The following HEPHL1 variants were observed in gnomAD, a reference collection of about 807,000 sequenced individuals.
HEPHL1 encodes the protein ferroxidase HEPHL1.
In HEPHL1, 123 loss-of-function variants were observed where a neutral mutation model predicts 122.0. That is an observed-to-expected ratio of 1.01 (90% CI 0.87 to 1.17). The LOEUF (loss-of-function observed/expected upper bound fraction) is 1.17, where lower values mean the gene tolerates loss of function less well. Ranked by LOEUF, HEPHL1 falls within the 50% of genes most tolerant of loss-of-function variation. The probability of loss-of-function intolerance (pLI) is 0.00; values close to 1 mark genes in which losing one functional copy is unlikely to be tolerated. For missense variants in HEPHL1, 1,452 were observed against 1,430.5 expected (o/e 1.01, Z -0.24); for synonymous variants, 527 against 508.9 (o/e 1.04, Z -0.48).
intron 4 of HEPHL1, 113 bp downstream of exon 4, chr11:94,064,623 CAG>C: frequency 1.4e-6 from 1 of 699,068 alleles, no homozygotes; most frequent in Non-Finnish European, 2.4e-6. Flanking sequence ...ATTTATAACT[CAG>C]GGATGACCAT....
At chr11:94,104,445 C>T (rs1946392830) in intron 15 of HEPHL1, 83 bp from the exon 16 acceptor site, 1 of 944,956 alleles carries the variant, frequency 1.1e-6, no homozygotes, top group Non-Finnish European at 1.6e-6. Flanking sequence ...TATTATGACC[C>T]TACACTAGAA....
intron 4 of HEPHL1, among the ~76,000 whole-genome samples, chr11:94,065,414 C>A (rs1946025282): frequency 6.6e-6 from 1 of 152,132 alleles, no homozygotes; most frequent in Admixed American, 6.5e-5. Flanking sequence ...TAATTAATGC[C>A]AGAGAGTTTC....
chr11:94,049,179 A>G (rs550446813), intron 2 of HEPHL1, among the ~76,000 whole-genome samples: 1 of 152,066 alleles, frequency 6.6e-6, no homozygotes, highest in Non-Finnish European at 1.5e-5. Flanking sequence ...ATACTGGTAT[A>G]GTAGACATAC....
chr11:94,042,893 A>AAAAAAAAAAAAAAAT (rs1945799383), intron 1 of HEPHL1, among the ~76,000 whole-genome samples: 1 of 149,562 alleles, frequency 6.7e-6, no homozygotes, highest in Non-Finnish European at 1.5e-5. Flanking sequence ...AAAAAAAAAA[A>AAAAAAAAAAAAAAAT]CTGCATGAAT....
At position 94,111,025 on chromosome 11, in the gene HEPHL1, T is replaced by C. The variant is rs762258513; in HGVS notation, c.3168T>C (p.His1056=). 7 of 1,607,406 alleles carry C rather than the reference T, an allele frequency of 4.4e-6. No homozygotes were observed. In the Admixed American group the frequency reaches 6.8e-5, roughly 16 times the overall value. Residue 1056 remains histidine, a synonymous_variant, in exon 18 of 20, where the codon CAT becomes CAC. Coordinates refer to ENST00000315765, the MANE Select transcript of HEPHL1 (RefSeq NM_001098672.2). ...LLHCHVSDHI[H]AGMETTYTVL... ...ACTGTCATGTGTCTGACCACATCCA[T>C]GCTGGCATGGAGACAACCTACACGG... is the stretch of plus-strand genomic sequence containing the variant.
intron 1 of HEPHL1, among the ~76,000 whole-genome samples, chr11:94,025,660 CAAGGGGCTTTGAGTATTCTAAG>C (rs1440363916): frequency 6.6e-6 from 1 of 152,106 alleles, no homozygotes; most frequent in Non-Finnish European, 1.5e-5. Context: ...CAGTGTATGG[CAAGGGGCTTTGAGTATTCTAAG>C]AAGCAGGCCC....
Position 94,097,600 on chromosome 11 carries a change from T to TAA in HEPHL1, c.2435-3594_2435-3593dup, listed in dbSNP as rs1362985200. Among the ~76,000 whole-genome samples the TAA allele has an allele frequency of 2.0e-5, 3 of 152,164 alleles. No homozygotes were observed. The East Asian group carries it at 5.8e-4, about 29-fold the overall frequency. ...TAACTTTCTGTCTCATTGATCTGTC[T>TAA]AATGTTGACAGTGGGGTGTTAAAGT... On this transcript the variant is annotated intron_variant, in intron 13 of 19. Transcript: ENST00000315765.
intron 10 of HEPHL1, 97 bp from the exon 11 acceptor site, chr11:94,085,880 C>A: frequency 1.1e-6 from 1 of 877,706 alleles, no homozygotes; most frequent in Non-Finnish European, 1.8e-6. Flanking sequence ...TGTTTATTCT[C>A]TGAAAACAAG....
intron 1 of HEPHL1, among the ~76,000 whole-genome samples, chr11:94,039,645 C>T (rs1354797300): frequency 6.6e-6 from 1 of 151,600 alleles, no homozygotes; most frequent in Non-Finnish European, 1.5e-5. Context: ...GAAATGAAGG[C>T]AGAAATAAAG....
At chr11:94,036,220 G>A (rs1945721396) in intron 1 of HEPHL1, among the ~76,000 whole-genome samples, 1 of 152,186 alleles carries the variant, frequency 6.6e-6, no homozygotes, top group South Asian at 2.1e-4. Flanking sequence ...CTGTCCCTGG[G>A]TCTGTCTCTG....
intron 12 of HEPHL1, among the ~76,000 whole-genome samples, chr11:94,089,591 G>A (rs935269059): frequency 4.6e-5 from 7 of 152,198 alleles, no homozygotes; most frequent in African/African-American, 1.2e-4. Context: ...AGCCTTGTAA[G>A]CATTGCTCCT....
At chr11:94,063,479 C>CA (rs1946003488) in intron 2 of HEPHL1, 29 bp from the exon 3 acceptor site, 24 of 1,510,686 alleles carry the variant, frequency 1.6e-5, no homozygotes, top group Non-Finnish European at 2.1e-5. Context: ...CTATGTTTTA[C>CA]CTTTTTTTTT....
chr11:94,097,410 A>G (rs888808076), intron 13 of HEPHL1, among the ~76,000 whole-genome samples: 1 of 152,154 alleles, frequency 6.6e-6, no homozygotes, highest in Non-Finnish European at 1.5e-5. Flanking sequence ...GTTCTTTTAC[A>G]TTTGCTCAGT....
Position 94,075,192 on chromosome 11 carries a change from C to T in HEPHL1, c.1523C>T (p.Ala508Val), listed in dbSNP as rs188507582. 2.5e-5 allele frequency: 40 copies of T among 1,612,850 alleles called. No homozygotes were observed. Among genetic ancestry groups the T allele is most frequent in the Non-Finnish European group, 2.9e-5 (34 of 1,179,296 alleles). Residue 508 changes from alanine to valine, a missense_variant, in exon 9 of 20, where the codon GCG becomes GTG. Transcript: ENST00000315765. ...TCCTCAGGATTTGTGAAACCAGGGG[C>T]GCATGTTAAACCAGGTGAAACCTTC... ...PNLDGFVKPG[A>V]HVKPGETFTY... is the part of the protein sequence containing the mutation.
chr11:94,105,946 T>C, intron 16 of HEPHL1, 45 bp from the exon 17 acceptor site: 4 of 1,367,086 alleles, frequency 2.9e-6, no homozygotes, highest in Non-Finnish European at 3.0e-6. Flanking sequence ...AAAATCAGCT[T>C]ATCTTTTAAC....
At chr11:94,025,019 T>G (rs1042643232) in intron 1 of HEPHL1, among the ~76,000 whole-genome samples, 1 of 152,118 alleles carries the variant, frequency 6.6e-6, no homozygotes, top group Non-Finnish European at 1.5e-5. Context: ...TGCCAAAGTT[T>G]CAGTAATGTG....
rs1356409088 is a variant in HEPHL1 at position 94,110,993 on chromosome 11, C to T, written c.3136C>T (p.Leu1046=). The T allele has an allele frequency of 6.2e-7, 1 of 1,611,342 alleles. No homozygotes were observed. The highest frequency in any genetic ancestry group is 8.5e-7 in the Non-Finnish European group (1 of 1,178,630). Residue 1046 remains leucine, a synonymous_variant, in exon 18 of 20, where the codon CTG becomes TTG. Coordinates refer to ENST00000315765, the MANE Select transcript of HEPHL1 (RefSeq NM_001098672.2). ...GTTTGCAGATCACCCAGGGACATGG[C>T]TGCTACACTGTCATGTGTCTGACCA... The part of the protein sequence containing the change: ...ELFADHPGTW[L]LHCHVSDHIH...
intron 8 of HEPHL1, among the ~76,000 whole-genome samples, chr11:94,074,003 G>A (rs1053832423): frequency 1.3e-5 from 2 of 152,158 alleles, no homozygotes; most frequent in Admixed American, 6.6e-5. Flanking sequence ...CTGTTGCCCA[G>A]TGGCTGTGGG....
chr11:94,034,200 C>T (rs540363619), intron 1 of HEPHL1, among the ~76,000 whole-genome samples: 1 of 152,234 alleles, frequency 6.6e-6, no homozygotes, highest in Non-Finnish European at 1.5e-5. Context: ...TTCTTCCCAG[C>T]TTGACTCAGA....
Sources: allele counts gnomAD v4.1 joint callset (sites outside exome capture counted in the v4.1 genomes callset), GRCh38; gene constraint gnomAD v4.1.1; transcripts MANE v1.5; gene names NCBI Gene and HGNC (gene_info 2026-07-23, HGNC 2026-07-21).